Variants in CAMKMT observed in about 807,000 individuals in gnomAD.
CAMKMT encodes the protein CaM KMT.
In CAMKMT, 53 loss-of-function variants were observed where a neutral mutation model predicts 48.0. That is an observed-to-expected ratio of 1.10 (90% confidence interval 0.89 to 1.39). The LOEUF (loss-of-function observed/expected upper bound fraction) is 1.39. CAMKMT is among the 40% of genes most tolerant of loss of function. The pLI is 0.00. For synonymous variants in CAMKMT, 165 were observed against 152.3 expected (o/e 1.08, Z -0.61); for missense variants, 428 against 402.7 (o/e 1.06, Z -0.54).
chr2:44,718,874 C>CT (rs1203271275), intron 7 of CAMKMT, among the ~76,000 whole-genome samples: 1 of 152,106 alleles, frequency 6.6e-6, no homozygotes, highest in African/African-American at 2.4e-5. Flanking sequence ...TGTGTTAAGA[C>CT]TTTTTTTATA....
At chr2:44,373,136 G>T (rs1348331769) in intron 2 of CAMKMT, among the ~76,000 whole-genome samples, 4 of 152,102 alleles carry the variant, frequency 2.6e-5, no homozygotes, top group Non-Finnish European at 5.9e-5. Flanking sequence ...AAATCAAAGG[G>T]TTCATTTAAA....
chr2:44,667,425 C>G (rs1401591931), intron 3 of CAMKMT, among the ~76,000 whole-genome samples: 1 of 152,196 alleles, frequency 6.6e-6, no homozygotes. Context: ...GCCACCTTCA[C>G]ACATTTCTCC....
chr2:44,669,874 G>A (rs1362042487), intron 3 of CAMKMT, among the ~76,000 whole-genome samples: 1 of 152,156 alleles, frequency 6.6e-6, no homozygotes, highest in Non-Finnish European at 1.5e-5. Flanking sequence ...CTGGGCTCAA[G>A]TGATCTGCTC....
intron 3 of CAMKMT, among the ~76,000 whole-genome samples, chr2:44,502,296 T>A (rs1269262736): frequency 2.3e-5 from 2 of 87,780 alleles, no homozygotes; most frequent in Non-Finnish European, 5.4e-5. Flanking sequence ...TTGTTGTATC[T>A]CTCCCCTAAA....
At chr2:44,517,497 C>G (rs537989583) in intron 3 of CAMKMT, among the ~76,000 whole-genome samples, 16 of 152,254 alleles carry the variant, frequency 1.1e-4, no homozygotes, top group African/African-American at 3.9e-4. Context: ...AGATGGTTTC[C>G]TTTTTGCACA....
intron 3 of CAMKMT, among the ~76,000 whole-genome samples, chr2:44,551,455 T>C (rs1177937255): frequency 6.6e-6 from 1 of 152,116 alleles, no homozygotes; most frequent in Non-Finnish European, 1.5e-5. Flanking sequence ...CCCTGGAGTT[T>C]TATGCATAAG....
At chr2:44,417,826 A>G (rs1388329451) in intron 3 of CAMKMT, among the ~76,000 whole-genome samples, 2 of 152,154 alleles carry the variant, frequency 1.3e-5, no homozygotes, top group African/African-American at 2.4e-5. Flanking sequence ...TCATGTGCTT[A>G]TTGGTCATTC....
intron 3 of CAMKMT, among the ~76,000 whole-genome samples, chr2:44,669,849 G>C (rs1350459701): frequency 6.6e-6 from 1 of 152,016 alleles, no homozygotes; most frequent in Non-Finnish European, 1.5e-5. Flanking sequence ...TGTTGCCCAG[G>C]CTGGTCTCGA....
intron 3 of CAMKMT, among the ~76,000 whole-genome samples, chr2:44,390,741 C>T (rs1436445966): frequency 2.0e-5 from 3 of 152,106 alleles, no homozygotes; most frequent in South Asian, 4.1e-4. Flanking sequence ...AAACCCAGAA[C>T]ATATTTTTCT....
chr2:44,704,864 G>A (rs116794859), intron 4 of CAMKMT, among the ~76,000 whole-genome samples: 2,499 of 151,668 alleles, frequency 0.016, 28 homozygotes, highest in African/African-American at 0.037. Flanking sequence ...TTACCATTAC[G>A]GATTCATGCT....
intron 7 of CAMKMT, among the ~76,000 whole-genome samples, chr2:44,735,625 G>A (rs1474305139): frequency 6.6e-6 from 1 of 151,834 alleles, no homozygotes; most frequent in Non-Finnish European, 1.5e-5. Flanking sequence ...CCTGTGGCTG[G>A]GCATGGTGGC....
intron 1 of CAMKMT, 51 bp downstream of exon 1, chr2:44,362,196 A>C (rs1677940246): frequency 7.9e-5 from 108 of 1,371,380 alleles, no homozygotes; most frequent in South Asian, 9.0e-5. Flanking sequence ...CTCCTCTCTC[A>C]CGTACCGGGG....
chr2:44,692,397 A>G lies in CAMKMT; in HGVS notation c.377-11886A>G, dbSNP rs556844814. 1.4e-4 allele frequency among the ~76,000 whole-genome samples: 21 copies of G among 152,322 alleles called. No individual in the cohort carries two copies. The East Asian group carries it at 3.1e-3, about 22-fold the overall frequency. ...AATGAGAGAAGTGAGGCATTACCCA[A>G]CAATCTGGCCAAAGTAGCCACCTGT... On this transcript the variant is annotated intron_variant, in intron 3 of 10. Transcript: ENST00000378494.
chr2:44,433,512 T>G (rs1000995438), intron 3 of CAMKMT, among the ~76,000 whole-genome samples: 1 of 152,170 alleles, frequency 6.6e-6, no homozygotes, highest in African/African-American at 2.4e-5. Flanking sequence ...ATAAGAAAAA[T>G]GGAAGTGTCT....
At chr2:44,697,274 A>C (rs1387418439) in intron 3 of CAMKMT, among the ~76,000 whole-genome samples, 1 of 152,092 alleles carries the variant, frequency 6.6e-6, no homozygotes, top group Admixed American at 6.6e-5. Context: ...AAATGAGGGA[A>C]TAAACCAAGA....
At chr2:44,621,143 T>C (rs112326546) in intron 3 of CAMKMT, among the ~76,000 whole-genome samples, 4,529 of 151,480 alleles carry the variant, frequency 0.03, 187 homozygotes, top group African/African-American at 0.093. Context: ...TGATGGGCGC[T>C]TGTAGTCCCA....
chr2:44,716,483 AAGTGTCCAT>A (rs1403207981), intron 7 of CAMKMT, among the ~76,000 whole-genome samples: 1 of 152,210 alleles, frequency 6.6e-6, no homozygotes, highest in Non-Finnish European at 1.5e-5. Flanking sequence ...GAATGTAATG[AAGTGTCCAT>A]AGTGTATTTT....
chr2:44,628,304 G>T (rs972141752), intron 3 of CAMKMT, among the ~76,000 whole-genome samples: 2 of 151,992 alleles, frequency 1.3e-5, no homozygotes, highest in African/African-American at 4.8e-5. Flanking sequence ...CTAGCTTAAG[G>T]TTTATCAATT....
Position 44,437,425 on chromosome 2 carries a change from G to A in CAMKMT, c.376+47120G>A, listed in dbSNP as rs939689711. The stretch of plus-strand genomic sequence containing the variant: ...ATAGTTGTTCTGTTGGGGAATAGGG[G>A]ATGGCAAGGGACCTGGGGCCGTCAA... On this transcript the variant is annotated intron_variant, in intron 3 of 10. Coordinates refer to ENST00000378494, the MANE Select transcript of CAMKMT (RefSeq NM_024766.5). Among the ~76,000 whole-genome samples, 4 of 151,232 alleles carry A rather than the reference G, an allele frequency of 2.6e-5. No individual in the cohort carries two copies. In the South Asian group the frequency reaches 8.3e-4, roughly 31 times the overall value.
Sources: allele counts gnomAD v4.1 joint callset (sites outside exome capture counted in the v4.1 genomes callset), GRCh38; gene constraint gnomAD v4.1.1; transcripts MANE v1.5; gene names NCBI Gene and HGNC (gene_info 2026-07-23, HGNC 2026-07-21).